ZC3H14: variants seen among roughly 807,000 people sequenced by gnomAD.
ZC3H14 encodes zinc finger CCCH domain-containing protein 14.
In ZC3H14, 31 loss-of-function variants were observed where a neutral mutation model predicts 92.4. That is an observed-to-expected ratio of 0.34 (90% confidence interval 0.25 to 0.45). The LOEUF is 0.45. Among genes scored for constraint, ZC3H14 ranks in the 20% least tolerant of loss-of-function variants. The probability of loss-of-function intolerance (pLI) is 1.00; values close to 1 mark genes in which losing one functional copy is unlikely to be tolerated. For missense variants in ZC3H14, 781 were observed against 897.3 expected, an observed-to-expected ratio of 0.87 and a Z score of 1.66; for synonymous variants, 321 against 300.9, an observed-to-expected ratio of 1.07 and a Z score of -0.69.
rs548940242 is a variant in ZC3H14, at chr14:88,593,469, C to T, written c.1280-3265C>T. Reference sequence around the variant, plus strand: ...TTGGCAAGGTTATGTTGCTTGATTTCAAAACTTACTACAAAGCTAGAGTAA... The same window carrying T: ...TTGGCAAGGTTATGTTGCTTGATTTTAAAACTTACTACAAAGCTAGAGTAA... On this transcript the variant is annotated intron_variant, in intron 9 of 16. Coordinates refer to ENST00000251038, the MANE Select transcript of ZC3H14 (RefSeq NM_024824.5). Among the ~76,000 whole-genome samples the T allele has an allele frequency of 2.6e-5, 4 of 152,238 alleles. No individual in the cohort carries two copies. The South Asian group carries it at 8.3e-4, about 32-fold the overall frequency.
At chr14:88,587,679 C>T (rs547861791) in intron 9 of ZC3H14, among the ~76,000 whole-genome samples, 2 of 152,158 alleles carry the variant, frequency 1.3e-5, no homozygotes, top group African/African-American at 4.8e-5. Context: ...TGGTTGGTGG[C>T]TCACACCTGT....
intron 2 of ZC3H14, 61 bp downstream of exon 2, chr14:88,563,754 A>C: frequency 1.4e-6 from 2 of 1,480,978 alleles, no homozygotes; most frequent in Non-Finnish European, 9.4e-7. Context: ...ATAGAATTTT[A>C]GTGAATGCGT....
At chr14:88,609,187 G>A in intron 13 of ZC3H14, 80 bp from the exon 14 acceptor site, 2 of 1,566,868 alleles carry the variant, frequency 1.3e-6, no homozygotes, top group Non-Finnish European at 1.8e-6. Context: ...GTGATGGGGA[G>A]TGTAAAGAGC....
At chr14:88,583,473 T>G (rs967885414) in intron 9 of ZC3H14, among the ~76,000 whole-genome samples, 6 of 152,150 alleles carry the variant, frequency 3.9e-5, no homozygotes, top group Non-Finnish European at 4.4e-5. Context: ...CCTCAGGCTG[T>G]CTTCTTCTCA....
chr14:88,594,677 T>G lies in ZC3H14; in HGVS notation c.1280-2057T>G, dbSNP rs1464856323. ...AGCTGTGAAGAAAAAATTATCAGAT[T>G]TTAAGGGAGAGAATTTTATGAAAAT... is the stretch of plus-strand genomic sequence containing the variant. On this transcript the variant is annotated intron_variant, in intron 9 of 16. Transcript: ENST00000251038. The G allele has an allele frequency of 5.0e-6, 8 of 1,612,442 alleles. No homozygotes were observed. The Admixed American group carries it at 6.7e-5, about 13-fold the overall frequency.
chr14:88,610,737 T>C (rs2086522462), intron 15 of ZC3H14, 97 bp from the exon 16 acceptor site: 2 of 1,234,556 alleles, frequency 1.6e-6, no homozygotes, highest in African/African-American at 3.0e-5. Context: ...CACTCCAGCC[T>C]GGGTGACAGA....
At chr14:88,604,399 A>T (rs1423754461) in intron 12 of ZC3H14, among the ~76,000 whole-genome samples, 1 of 151,242 alleles carries the variant, frequency 6.6e-6, no homozygotes, top group Non-Finnish European at 1.5e-5. Flanking sequence ...GGCTGGAGAG[A>T]CTCCTGCAGA....
intron 10 of ZC3H14, among the ~76,000 whole-genome samples, chr14:88,601,396 ATGTT>A (rs1566965600): frequency 1.3e-5 from 2 of 152,186 alleles, no homozygotes; most frequent in Non-Finnish European, 2.9e-5. Flanking sequence ...CTTGATACAT[ATGTT>A]TAAGTGTCCA....
intron 11 of ZC3H14, among the ~76,000 whole-genome samples, chr14:88,602,353 A>G (rs1301758047): frequency 6.6e-6 from 1 of 152,220 alleles, no homozygotes; most frequent in African/African-American, 2.4e-5. Context: ...AATTCAGGAA[A>G]TGCAAGTTTA....
At chr14:88,575,535 A>T (rs1285569605) in intron 7 of ZC3H14, among the ~76,000 whole-genome samples, 1 of 152,118 alleles carries the variant, frequency 6.6e-6, no homozygotes, top group African/African-American at 2.4e-5. Flanking sequence ...TCTTAAAAAA[A>T]ATTAAAATAA....
At position 88,596,763 on chromosome 14, in the gene ZC3H14, C is replaced by T. The variant is rs770921898; in HGVS notation, c.1309C>T (p.Leu437=). ...TCAACAGAGGCAATTATTATCCCGA[C>T]TGCAAATCGACCCAGTAATGGCAGA... ...GTQQRQLLSR[L]QIDPVMAETL... is the part of the protein sequence containing the mutation. The change falls in exon 10 of 17, where the codon CTG becomes TTG. Residue 437 remains leucine, a synonymous_variant. Transcript: ENST00000251038. The T allele has an allele frequency of 1.2e-6, 2 of 1,614,040 alleles. No homozygotes were observed. The highest frequency in any genetic ancestry group is 1.7e-6 in the Non-Finnish European group (2 of 1,179,960).
rs2088460698 is a variant in ZC3H14, at chr14:88,619,501, A to T, written c.*7750A>T. ...ATTACAGGTGTGAGCCACAACACCC[A>T]GTCAGAACATCTCAGCTTTTAAAAG... On this transcript the variant is annotated 3_prime_UTR_variant, in exon 17 of 17. Transcript: ENST00000251038. 6.6e-6 allele frequency: 1 copy of T among 152,166 alleles called. No homozygotes were observed. Among genetic ancestry groups the T allele is most frequent in the African/African-American group, 2.4e-5 (1 of 41,448 alleles). 9.4% of individuals were successfully genotyped at this position (152,166 alleles called of 1,614,324 possible). A position where few individuals can be genotyped will look rare whatever the true frequency, so the allele number is the denominator to read the frequency against.
In ZC3H14 at chr14:88,616,144, G is replaced by C; in HGVS notation, c.*4393G>C. The stretch of plus-strand genomic sequence containing the variant: ...CATGGGCTGAGAAAGTTACTAACCT[G>C]CAGTCATCACCTCCAGCACTAACAA... On this transcript the variant is annotated 3_prime_UTR_variant, in exon 17 of 17. Coordinates refer to ENST00000251038, the MANE Select transcript of ZC3H14 (RefSeq NM_024824.5). 1 of 1,613,682 alleles carries C rather than the reference G, an allele frequency of 6.2e-7. No homozygotes were observed. The highest frequency in any genetic ancestry group is 8.5e-7 in the Non-Finnish European group (1 of 1,179,660).
chr14:88,566,337 A>G (rs1002572450), intron 2 of ZC3H14, among the ~76,000 whole-genome samples: 10 of 152,174 alleles, frequency 6.6e-5, no homozygotes, highest in African/African-American at 1.2e-4. Flanking sequence ...TAGAACCTGC[A>G]TAAACCAAAG....
At chr14:88,577,545 T>C (rs1032555470) in intron 8 of ZC3H14, among the ~76,000 whole-genome samples, 10 of 152,078 alleles carry the variant, frequency 6.6e-5, no homozygotes, top group Non-Finnish European at 5.9e-5. Context: ...ATTGAACTCC[T>C]CATATATATG....
chr14:88,597,205 A>G (rs1204716735), intron 10 of ZC3H14, among the ~76,000 whole-genome samples: 1 of 152,012 alleles, frequency 6.6e-6, no homozygotes, highest in African/African-American at 2.4e-5. Context: ...TTGGAGTCTT[A>G]TCACCAGGGC....
At chr14:88,601,218 G>T (rs1427362419) in intron 10 of ZC3H14, among the ~76,000 whole-genome samples, 7 of 152,088 alleles carry the variant, frequency 4.6e-5, no homozygotes, top group African/African-American at 7.2e-5. Context: ...GAACATAAAT[G>T]AATACCCTGT....
rs768301601 is a variant in ZC3H14 at position 88,621,215 on chromosome 14, A to G, written c.*9464A>G. 9 of 1,613,880 alleles carry G rather than the reference A, an allele frequency of 5.6e-6. No individual in the cohort carries two copies. Among genetic ancestry groups the G allele is most frequent in the South Asian group, 5.5e-5 (5 of 91,086 alleles). On this transcript the variant is annotated 3_prime_UTR_variant, in exon 17 of 17. Transcript: ENST00000251038. ...CTAGTCCCCAGATTGGCCCATCCAC[A>G]TGACCGTTAACTAAAATATTACAAG...
chr14:88,616,487 TGATTATAG>T lies in ZC3H14; in HGVS notation c.*4738_*4745del. The T allele has an allele frequency of 1.7e-6, 1 of 601,902 alleles. No homozygotes were observed. The highest frequency in any genetic ancestry group is 2.9e-6 in the Non-Finnish European group (1 of 348,678). The allele number at this position is 601,902 out of a possible 1,614,324, so 37.3% of individuals were successfully genotyped here. On this transcript the variant is annotated 3_prime_UTR_variant, in exon 17 of 17. Transcript: ENST00000251038. Reference sequence around the variant, plus strand: ...GGAAAAGCATTTGAAATTTGATAACTGATTATAGGTTTGGTGAAAAGCTAATTACAGCT... The same window carrying T: ...GGAAAAGCATTTGAAATTTGATAACTGTTTGGTGAAAAGCTAATTACAGCT...
Sources: allele counts gnomAD v4.1 joint callset (sites outside exome capture counted in the v4.1 genomes callset), GRCh38; gene constraint gnomAD v4.1.1; transcripts MANE v1.5; gene names NCBI Gene and HGNC (gene_info 2026-07-23, HGNC 2026-07-21).